TCEA1: variants seen among roughly 807,000 people sequenced by gnomAD.
TCEA1 encodes transcription elongation factor A1, also known as transcription elongation factor A protein 1.
TCEA1 carries 21 observed loss-of-function variants against 43.8 expected under a neutral mutation model. The ratio of observed to expected loss-of-function variants is 0.48; its 90% confidence interval spans 0.34 to 0.69. TCEA1 has a LOEUF of 0.69. Among genes scored for constraint, TCEA1 ranks in the 30% least tolerant of loss-of-function variants. The pLI is 0.01. For missense variants in TCEA1, 250 were observed against 365.1 expected (o/e 0.68, Z 2.57); for synonymous variants, 104 against 117.5 (o/e 0.88, Z 0.75).
At chr8:53,968,757 G>C (rs891425967) in intron 9 of TCEA1, among the ~76,000 whole-genome samples, 1 of 151,976 alleles carries the variant, frequency 6.6e-6, no homozygotes, top group African/African-American at 2.4e-5. Context: ...TGAACCCGGG[G>C]CCACAGAACA....
At chr8:53,994,092 C>T (rs538539196) in intron 3 of TCEA1, among the ~76,000 whole-genome samples, 92 of 152,332 alleles carry the variant, frequency 6.0e-4, no homozygotes, top group African/African-American at 2.1e-3. Flanking sequence ...TGGCTCACGC[C>T]TGTAATTCCA....
intron 2 of TCEA1, among the ~76,000 whole-genome samples, 170 bp from the exon 3 acceptor site, chr8:54,000,220 A>T (rs1414736095): frequency 1.3e-5 from 2 of 152,222 alleles, no homozygotes; most frequent in Admixed American, 1.3e-4. Context: ...ACATCTTCAG[A>T]TCAAACACTA....
At chr8:53,982,758 T>G (rs1359119088) in intron 7 of TCEA1, among the ~76,000 whole-genome samples, 2 of 152,174 alleles carry the variant, frequency 1.3e-5, no homozygotes, top group Non-Finnish European at 2.9e-5. Flanking sequence ...ATGCTTCTTG[T>G]GGAGGAGCAA....
intron 8 of TCEA1, chr8:53,972,571 G>T: frequency 1.8e-6 from 1 of 553,566 alleles, no homozygotes; most frequent in Non-Finnish European, 3.6e-6. Flanking sequence ...CTGTTCAACT[G>T]ATTTAAACCT....
At chr8:54,002,080 A>C (rs1804286568) in intron 2 of TCEA1, among the ~76,000 whole-genome samples, 1 of 151,774 alleles carries the variant, frequency 6.6e-6, no homozygotes, top group African/African-American at 2.4e-5. Context: ...GAGACAGAAG[A>C]ATCACTTGAA....
chr8:53,997,107 A>G (rs542644256), intron 3 of TCEA1, among the ~76,000 whole-genome samples: 68 of 151,800 alleles, frequency 4.5e-4, no homozygotes, highest in Non-Finnish European at 8.8e-4. Flanking sequence ...ATGGGGTTTC[A>G]CCGTGTTAGC....
chr8:53,990,551 CAG>C (rs1803844949), intron 4 of TCEA1, among the ~76,000 whole-genome samples: 2 of 152,044 alleles, frequency 1.3e-5, no homozygotes, highest in East Asian at 3.9e-4. Context: ...CTTGTAGAGA[CAG>C]GGCCTCCCTA....
intron 3 of TCEA1, 177 bp downstream of exon 3, chr8:53,999,768 C>CA (rs898579522): frequency 2.4e-5 from 12 of 501,892 alleles, no homozygotes; most frequent in South Asian, 1.5e-4. Context: ...GCCTAAAAGG[C>CA]AAAAAAACCC....
chr8:53,978,872 C>T (rs1290050792), intron 8 of TCEA1, among the ~76,000 whole-genome samples, 153 bp downstream of exon 8: 2 of 152,056 alleles, frequency 1.3e-5, no homozygotes, highest in African/African-American at 4.8e-5. Flanking sequence ...AGGTACTATC[C>T]GTGGTTTCAG....
At chr8:53,970,533 C>G (rs1803125598) in intron 8 of TCEA1, 70 bp from the exon 9 acceptor site, 3 of 745,520 alleles carry the variant, frequency 4.0e-6, no homozygotes, top group African/African-American at 1.8e-5. Context: ...TAATGTTATA[C>G]ATAAAGATAT....
At chr8:54,003,874 T>C (rs1467274479) in intron 2 of TCEA1, among the ~76,000 whole-genome samples, 3 of 151,142 alleles carry the variant, frequency 2.0e-5, no homozygotes, top group African/African-American at 7.3e-5. Context: ...AGACAATATT[T>C]GCAAACTCTA....
Position 54,000,046 on chromosome 8 carries a change from G to C in TCEA1, c.131C>G (p.Thr44Arg). The stretch of plus-strand genomic sequence containing the variant: ...AGCATTAACTGACATTCCGATTCTT[G>C]TGGACTGCAAGGCAATAACAAAAAA... ...IPMTLELLQS[T>R]RIGMSVNAIR... is the part of the protein sequence containing the mutation. Residue 44 changes from threonine (T) to arginine (R), a missense_variant, in exon 3 of 10, where the codon ACA (threonine) becomes AGA (arginine). Physicochemically the swap from Thr to Arg is moderately conservative, Grantham distance 71. Transcript: ENST00000521604. 6.4e-7 allele frequency: 1 copy of C among 1,568,278 alleles called. No individual in the cohort carries two copies. Among genetic ancestry groups the C allele is most frequent in the South Asian group, 1.2e-5 (1 of 82,398 alleles).
chr8:53,971,783 T>TA, intron 8 of TCEA1: 1 of 238,118 alleles, frequency 4.2e-6, no homozygotes, highest in East Asian at 1.5e-4. Context: ...AACTCCAGAC[T>TA]AAAAAAGAAA....
intron 7 of TCEA1, among the ~76,000 whole-genome samples, chr8:53,982,982 C>A (rs1437667048): frequency 1.3e-5 from 2 of 152,170 alleles, no homozygotes; most frequent in African/African-American, 4.8e-5. Flanking sequence ...TGAATATTTG[C>A]TCCATCAATG....
At chr8:53,999,814 A>G (rs765298695) in intron 3 of TCEA1, 131 bp downstream of exon 3, 168 of 650,524 alleles carry the variant, frequency 2.6e-4, no homozygotes, top group Non-Finnish European at 4.2e-4. Context: ...CTTTATTACG[A>G]GGCACTGCTT....
chr8:53,970,222 T>G, intron 9 of TCEA1, 170 bp downstream of exon 9: 1 of 667,958 alleles, frequency 1.5e-6, no homozygotes, highest in Admixed American at 2.7e-5. Context: ...TTATTTCTAG[T>G]AGGGTAACAA....
intron 3 of TCEA1, chr8:53,999,571 A>G (rs1346731976): frequency 1.0e-5 from 2 of 191,544 alleles, no homozygotes; most frequent in Non-Finnish European, 2.1e-5. Context: ...TATGGCAAAT[A>G]TTAAAAATTG....
rs149454235 is a variant in TCEA1 at position 54,001,388 on chromosome 8, C to G, written c.127-1338G>C. On this transcript the variant is annotated intron_variant, in intron 2 of 9. Transcript: ENST00000521604. ...TCCTCTCAACAAACAGATTCAGGATCTAAGTTTTATTCAAGAATTTAGAAT... is the reference window on the plus strand; with the variant it reads ...TCCTCTCAACAAACAGATTCAGGATGTAAGTTTTATTCAAGAATTTAGAAT... Among the ~76,000 whole-genome samples, 566 of 152,230 alleles carry G rather than the reference C, an allele frequency of 3.7e-3. 3 individuals are homozygous for G. The highest frequency in any genetic ancestry group is 0.013 in the African/African-American group (547 of 41,540).
In TCEA1 at chr8:53,967,751, G is replaced by A. The variant is rs1803026966; in HGVS notation, c.*353C>T. The A allele has an allele frequency of 4.0e-6, 1 of 249,996 alleles. No homozygotes were observed. Among genetic ancestry groups the A allele is most frequent in the Non-Finnish European group, 7.7e-6 (1 of 130,136 alleles). 15.5% of individuals were successfully genotyped at this position (249,996 alleles called of 1,614,324 possible). ...TATTTTCATTTATGTATTAATAACA[G>A]AGAGTAACAGAATTTCTACTGTGTA... On this transcript the variant is annotated 3_prime_UTR_variant, in exon 10 of 10. Transcript: ENST00000521604.
Sources: gnomAD v4.1 joint callset for allele counts (sites outside exome capture counted in the v4.1 genomes callset) on GRCh38, gnomAD v4.1.1 for gene constraint, MANE v1.5 for transcripts, NCBI Gene and HGNC (gene_info 2026-07-23, HGNC 2026-07-21) for gene names.